RAPGEF4: variants seen among roughly 807,000 people sequenced by gnomAD.
The protein encoded by RAPGEF4 is Rap guanine nucleotide exchange factor 4.
In RAPGEF4, 66 loss-of-function variants were observed where a neutral mutation model predicts 147.9. That is an observed-to-expected ratio of 0.45 (90% CI 0.37 to 0.55). The LOEUF is 0.55. Ranked by LOEUF, RAPGEF4 falls within the 20% of genes least tolerant of loss-of-function variation. RAPGEF4 has a pLI of 0.00. For missense variants in RAPGEF4, 1,071 were observed against 1,257.3 expected (o/e 0.85, Z 2.24); for synonymous variants, 419 against 442.7 (o/e 0.95, Z 0.67).
intron 21 of RAPGEF4, among the ~76,000 whole-genome samples, chr2:173,018,218 G>A (rs1695683808): frequency 6.6e-6 from 1 of 152,216 alleles, no homozygotes; most frequent in Non-Finnish European, 1.5e-5. Context: ...AGCCACTGAA[G>A]CAAGTGAGCA....
intron 22 of RAPGEF4, 59 bp downstream of exon 22, chr2:173,018,861 A>C (rs1315366503): frequency 6.3e-7 from 1 of 1,579,260 alleles, no homozygotes; most frequent in African/African-American, 1.3e-5. Context: ...TCCAAGCAGA[A>C]ACTATGTAAG....
intron 6 of RAPGEF4, among the ~76,000 whole-genome samples, chr2:172,938,476 C>G (rs1686828357): frequency 6.6e-6 from 1 of 152,130 alleles, no homozygotes; most frequent in African/African-American, 2.4e-5. Context: ...CCATGGGAAA[C>G]AAATGTTATC....
chr2:172,814,353 T>C lies in RAPGEF4; in HGVS notation c.372T>C (p.His124=). The C allele has an allele frequency of 6.2e-7, 1 of 1,614,178 alleles. No individual in the cohort carries two copies. Residue 124 remains histidine, a synonymous_variant, in exon 4 of 31, where the codon CAT becomes CAC. Coordinates refer to ENST00000397081, the MANE Select transcript of RAPGEF4 (RefSeq NM_007023.4). ...CCATTCTGGACAACACACCCCGCCATGCAACCATCGTTACCAGGGAGAGCA... is the reference window on the plus strand; with the variant it reads ...CCATTCTGGACAACACACCCCGCCACGCAACCATCGTTACCAGGGAGAGCA... ...GESILDNTPR[H]ATIVTRESSE...
At chr2:172,904,471 A>G (rs1355308538) in intron 4 of RAPGEF4, among the ~76,000 whole-genome samples, 3 of 152,178 alleles carry the variant, frequency 2.0e-5, no homozygotes, top group Non-Finnish European at 4.4e-5. Flanking sequence ...TCTTGCTCTC[A>G]ACTTGAGCTT....
intron 3 of RAPGEF4, among the ~76,000 whole-genome samples, chr2:172,806,407 C>G (rs1687501852): frequency 6.6e-6 from 1 of 152,134 alleles, no homozygotes; most frequent in Non-Finnish European, 1.5e-5. Flanking sequence ...AATTCTATTG[C>G]CACTTAATTG....
In RAPGEF4 at chr2:172,735,948, C is replaced by T. The variant is rs1260578446; in HGVS notation, c.-36C>T. On this transcript the variant is annotated 5_prime_UTR_variant, in exon 1 of 31. Coordinates refer to ENST00000397081, the MANE Select transcript of RAPGEF4 (RefSeq NM_007023.4). ...CGCAGGCAGAGCGAGCGCGGGAGGT[C>T]GCCGCAGCCAGGGACACCGCGCGCC... 1 of 1,432,478 alleles carries T rather than the reference C, an allele frequency of 7.0e-7. No individual in the cohort carries two copies. Among genetic ancestry groups the T allele is most frequent in the Non-Finnish European group, 9.2e-7 (1 of 1,089,066 alleles). 88.7% of individuals were successfully genotyped at this position (1,432,478 alleles called of 1,614,324 possible).
At chr2:172,839,841 G>A (rs897094967) in intron 4 of RAPGEF4, among the ~76,000 whole-genome samples, 3 of 152,086 alleles carry the variant, frequency 2.0e-5, no homozygotes, top group Admixed American at 6.6e-5. Flanking sequence ...ACACAAAGGA[G>A]ATACAAAAAA....
intron 15 of RAPGEF4, 64 bp downstream of exon 15, chr2:172,990,989 T>C: frequency 8.2e-7 from 1 of 1,221,094 alleles, no homozygotes; most frequent in Non-Finnish European, 1.2e-6. Context: ...GGTATCATCA[T>C]TTCTACAATA....
chr2:172,939,009 C>A (rs1330014685), intron 6 of RAPGEF4, among the ~76,000 whole-genome samples: 1 of 152,208 alleles, frequency 6.6e-6, no homozygotes, highest in Non-Finnish European at 1.5e-5. Context: ...TTTCCTTTAT[C>A]ACTGGATAGT....
intron 15 of RAPGEF4, among the ~76,000 whole-genome samples, chr2:172,995,316 G>A (rs1289412569): frequency 6.7e-6 from 1 of 150,254 alleles, no homozygotes; most frequent in Non-Finnish European, 1.5e-5. Flanking sequence ...GAGTCTTGCT[G>A]TCACCCAGGC....
At chr2:172,947,731 A>G (rs1687816307) in intron 6 of RAPGEF4, among the ~76,000 whole-genome samples, 1 of 152,180 alleles carries the variant, frequency 6.6e-6, no homozygotes, top group African/African-American at 2.4e-5. Flanking sequence ...TCTGTATAAG[A>G]GAGGGTTGGT....
At position 173,052,887 on chromosome 2, in the gene RAPGEF4, C is replaced by T. The variant is rs536618312; in HGVS notation, c.*1120C>T. 1 of 151,998 alleles carries T rather than the reference C, an allele frequency of 6.6e-6. No individual in the cohort carries two copies. The highest frequency in any genetic ancestry group is 2.1e-4 in the South Asian group (1 of 4,814). 9.4% of individuals were successfully genotyped at this position (151,998 alleles called of 1,614,324 possible). A position where few individuals can be genotyped will look rare whatever the true frequency, so the allele number is the denominator to read the frequency against. On this transcript the variant is annotated 3_prime_UTR_variant, in exon 31 of 31. Transcript: ENST00000397081. ...TATCTTCACTAAATATAATTGTCGA[C>T]AAGAAATGGTTGTGTTCATCTCAAT...
chr2:172,773,032 A>C (rs977311420), intron 1 of RAPGEF4, among the ~76,000 whole-genome samples: 2 of 152,142 alleles, frequency 1.3e-5, no homozygotes, highest in African/African-American at 2.4e-5. Context: ...ATTCTCTTTC[A>C]TTAACTAATC....
intron 4 of RAPGEF4, among the ~76,000 whole-genome samples, chr2:172,822,239 C>A (rs1268109595): frequency 6.6e-6 from 1 of 151,998 alleles, no homozygotes; most frequent in African/African-American, 2.4e-5. Flanking sequence ...AAATATGTTT[C>A]TAGAAGATAA....
chr2:172,993,156 C>T (rs181563246), intron 15 of RAPGEF4, among the ~76,000 whole-genome samples: 4 of 152,232 alleles, frequency 2.6e-5, no homozygotes, highest in Admixed American at 6.5e-5. Flanking sequence ...ACTTTCAAAA[C>T]CTCCTGACTC....
chr2:173,026,537 G>C, intron 23 of RAPGEF4, 35 bp from the exon 24 acceptor site: 1 of 1,602,386 alleles, frequency 6.2e-7, no homozygotes, highest in Non-Finnish European at 8.5e-7. Context: ...TGTCTGTGTT[G>C]AGTTTCTGAT....
intron 15 of RAPGEF4, 57 bp downstream of exon 15, chr2:172,990,982 A>G: frequency 3.1e-6 from 4 of 1,303,686 alleles, no homozygotes; most frequent in Non-Finnish European, 4.4e-6. Context: ...TTCACATGGT[A>G]TCATCATTTC....
intron 4 of RAPGEF4, among the ~76,000 whole-genome samples, chr2:172,830,617 CATTT>C (rs1690191941): frequency 6.6e-6 from 1 of 152,090 alleles, no homozygotes; most frequent in African/African-American, 2.4e-5. Context: ...TTTATTTATT[CATTT>C]GAGACAGAGT....
chr2:172,971,534 G>A (rs143386361), intron 10 of RAPGEF4, among the ~76,000 whole-genome samples: 63 of 152,274 alleles, frequency 4.1e-4, no homozygotes, highest in African/African-American at 1.2e-3. Flanking sequence ...ACTTGAGTTC[G>A]TTTATTTTAT....
Sources: allele counts gnomAD v4.1 joint callset (sites outside exome capture counted in the v4.1 genomes callset), GRCh38; gene constraint gnomAD v4.1.1; transcripts MANE v1.5; gene names NCBI Gene and HGNC (gene_info 2026-07-23, HGNC 2026-07-21).